Variants in ESR1 observed in about 807,000 individuals in gnomAD.
The protein encoded by ESR1 is estrogen receptor.
A neutral mutation model predicts 52.7 loss-of-function variants in ESR1; 12 were observed. The ratio of observed to expected loss-of-function variants is 0.23; its 90% CI spans 0.15 to 0.37. ESR1 has a LOEUF of 0.37. ESR1 is among the 10% of genes least tolerant of loss of function. ESR1 has a pLI of 1.00. For synonymous variants in ESR1, 305 were observed against 316.8 expected, an observed-to-expected ratio of 0.96 and a Z score of 0.39; for missense variants, 584 against 779.7, an observed-to-expected ratio of 0.75 and a Z score of 2.99.
At chr6:151,965,481 T>C (rs940768110) in intron 4 of ESR1, among the ~76,000 whole-genome samples, 2 of 152,158 alleles carry the variant, frequency 1.3e-5, no homozygotes, top group Non-Finnish European at 2.9e-5. Flanking sequence ...TAGAGCTTTA[T>C]ATAATACATC....
chr6:151,807,721 C>G lies in ESR1; in HGVS notation c.-192C>G. On this transcript the variant is annotated 5_prime_UTR_variant, in exon 1 of 8. Coordinates refer to ENST00000206249, the MANE Select transcript of ESR1 (RefSeq NM_000125.4). ...GTTCGTCCTGGGACTGCACTTGCTC[C>G]CGTCGGGTCGCCCGGCTTCACCGGA... The G allele has an allele frequency of 3.0e-6, 2 of 656,036 alleles. No individual in the cohort carries two copies. The highest frequency in any genetic ancestry group is 5.5e-6 in the Non-Finnish European group (2 of 366,532). 40.6% of individuals were successfully genotyped at this position (656,036 alleles called of 1,614,324 possible).
At chr6:152,093,842 C>A (rs2152494211) in intron 6 of ESR1, among the ~76,000 whole-genome samples, 1 of 152,328 alleles carries the variant, frequency 6.6e-6, no homozygotes, top group East Asian at 1.9e-4. Flanking sequence ...CACTCTCTGT[C>A]TCTGAATCTC....
intron 4 of ESR1, among the ~76,000 whole-genome samples, chr6:151,993,641 C>A (rs374447472): frequency 2.6e-5 from 4 of 152,342 alleles, no homozygotes; most frequent in East Asian, 3.9e-4. Flanking sequence ...CTATTCCTGA[C>A]ATGTACAGCA....
At chr6:151,798,072 G>C (rs957776167) in intron 2 of ESR1, among the ~76,000 whole-genome samples, 2 of 152,174 alleles carry the variant, frequency 1.3e-5, no homozygotes, top group African/African-American at 4.8e-5. Flanking sequence ...TGGGTACACT[G>C]CCGAAAGCGA....
chr6:151,688,682 T>A (rs1778782014), upstream of ESR1, among the ~76,000 whole-genome samples: 1 of 152,206 alleles, frequency 6.6e-6, no homozygotes, highest in Non-Finnish European at 1.5e-5. Context: ...GAACATGACT[T>A]TGCTCTTTTC....
intron 2 of ESR1, among the ~76,000 whole-genome samples, chr6:151,765,264 T>C (rs1784960313): frequency 6.6e-6 from 1 of 152,166 alleles, no homozygotes; most frequent in Non-Finnish European, 1.5e-5. Context: ...ATCGTAAAAT[T>C]TACATTTGAA....
intron 5 of ESR1, among the ~76,000 whole-genome samples, chr6:152,013,687 C>T (rs1326842317): frequency 6.6e-6 from 1 of 152,118 alleles, no homozygotes; most frequent in Non-Finnish European, 1.5e-5. Context: ...TCAGCTACAG[C>T]CTTCTCTTTC....
intron 2 of ESR1, among the ~76,000 whole-genome samples, chr6:151,782,505 CTGTT>C (rs1399312654): frequency 6.6e-6 from 1 of 152,070 alleles, no homozygotes; most frequent in Non-Finnish European, 1.5e-5. Flanking sequence ...ATGGATATCT[CTGTT>C]TGTTATCTTA....
downstream of ESR1, among the ~76,000 whole-genome samples, chr6:152,105,338 C>G (rs2051050583): frequency 6.6e-6 from 1 of 152,036 alleles, no homozygotes. Context: ...GAGCCCTTAA[C>G]CTGTGGGATC....
intron 2 of ESR1, among the ~76,000 whole-genome samples, chr6:151,723,227 T>A (rs370313815): frequency 1.3e-5 from 2 of 151,250 alleles, no homozygotes; most frequent in East Asian, 3.9e-4. Context: ...CTCTGAGGGG[T>A]GGGAGGGGAA....
intron 3 of ESR1, among the ~76,000 whole-genome samples, chr6:151,894,328 C>T (rs1347093553): frequency 6.6e-6 from 1 of 151,772 alleles, no homozygotes; most frequent in Non-Finnish European, 1.5e-5. Flanking sequence ...ATTATGTCTC[C>T]TTCTCTGTGG....
intron 2 of ESR1, among the ~76,000 whole-genome samples, chr6:151,870,828 T>C (rs1016855111): frequency 4.6e-5 from 7 of 152,036 alleles, no homozygotes; most frequent in South Asian, 2.1e-4. Context: ...ATGTAGATGC[T>C]TCCTACATCT....
intron 1 of ESR1, among the ~76,000 whole-genome samples, chr6:151,822,676 G>C (rs938667723): frequency 6.6e-6 from 1 of 152,190 alleles, no homozygotes; most frequent in Non-Finnish European, 1.5e-5. Flanking sequence ...AAAGCTGCAC[G>C]CCTCATGACG....
At chr6:152,034,259 G>GTA in intron 5 of ESR1, among the ~76,000 whole-genome samples, 1 of 149,186 alleles carries the variant, frequency 6.7e-6, no homozygotes, top group Non-Finnish European at 1.5e-5. Flanking sequence ...TGCCCATTGT[G>GTA]CACATGTACC....
At chr6:151,842,845 C>A (rs2128235163) in intron 2 of ESR1, 58 bp downstream of exon 2, 5 of 1,456,810 alleles carry the variant, frequency 3.4e-6, no homozygotes, top group Middle Eastern at 1.8e-4. Flanking sequence ...TCCTAAGAGC[C>A]AAAGCGACTG....
At chr6:151,899,764 G>GCC in intron 3 of ESR1, among the ~76,000 whole-genome samples, 1 of 151,908 alleles carries the variant, frequency 6.6e-6, no homozygotes, top group Non-Finnish European at 1.5e-5. Context: ...AGACGGGGCG[G>GCC]CAGGGCAGAG....
chr6:151,938,890 A>G (rs1191449978), intron 3 of ESR1, among the ~76,000 whole-genome samples: 1 of 152,194 alleles, frequency 6.6e-6, no homozygotes, highest in African/African-American at 2.4e-5. Flanking sequence ...AGGATGAAAG[A>G]GAGCTTGGTA....
At chr6:152,096,549 A>G in intron 7 of ESR1, 2 of 439,872 alleles carry the variant, frequency 4.5e-6, no homozygotes, top group South Asian at 3.2e-5. Flanking sequence ...TGAGTGAACA[A>G]AGAAATGAGG....
At chr6:151,851,887 G>A (rs554203017) in intron 2 of ESR1, among the ~76,000 whole-genome samples, 1 of 152,086 alleles carries the variant, frequency 6.6e-6, no homozygotes, top group Non-Finnish European at 1.5e-5. Context: ...GACCAGAGAA[G>A]GGAAAGAATC....
Sources: gnomAD v4.1 joint callset for allele counts (sites outside exome capture counted in the v4.1 genomes callset) on GRCh38, gnomAD v4.1.1 for gene constraint, MANE v1.5 for transcripts, NCBI Gene and HGNC (gene_info 2026-07-23, HGNC 2026-07-21) for gene names.